The following STON2 variants were observed in gnomAD, a reference collection of about 807,000 sequenced individuals.
The protein encoded by STON2 is stonin 2.
STON2 carries 29 observed loss-of-function variants against 65.7 expected under a neutral mutation model. That is an observed-to-expected ratio of 0.44 (90% CI 0.33 to 0.60). The LOEUF (loss-of-function observed/expected upper bound fraction) is 0.60. Among genes scored for constraint, STON2 ranks in the 20% least tolerant of loss-of-function variants. The pLI, the probability that STON2 is intolerant of heterozygous loss-of-function variation, is 0.03. For missense variants in STON2, 1,054 were observed against 1,118.1 expected, an observed-to-expected ratio of 0.94 and a Z score of 0.82; for synonymous variants, 404 against 414.2, an observed-to-expected ratio of 0.98 and a Z score of 0.30.
intron 1 of STON2, 27 bp from the exon 2 acceptor site, chr14:81,398,607 A>G (rs996056511): frequency 4.3e-6 from 2 of 469,604 alleles, no homozygotes; most frequent in African/African-American, 2.0e-5. Context: ...CAAACAAAAA[A>G]TTAAAAAGGA....
chr14:81,407,577 T>G (rs1900930763), intron 2 of STON2, among the ~76,000 whole-genome samples: 1 of 152,196 alleles, frequency 6.6e-6, no homozygotes, highest in African/African-American at 2.4e-5. Context: ...CTTTTTGGGT[T>G]TGAGACTATT....
chr14:81,398,997 G>C (rs1471046242), intron 1 of STON2, among the ~76,000 whole-genome samples: 1 of 152,176 alleles, frequency 6.6e-6, no homozygotes, highest in African/African-American at 2.4e-5. Flanking sequence ...CCTTAGGCAG[G>C]TAACTCTTTA....
rs780285940 is a variant in STON2 at position 81,261,012 on chromosome 14, C to T, written c.*7402G>A. ...CTTCTCTGTCATCGCCTGGCTAAAA[C>T]ACTGATTTTGATTAATCTCTTGAAT... On this transcript the variant is annotated 3_prime_UTR_variant, in exon 8 of 8. Transcript: ENST00000614646. 2 of 152,146 alleles carry T rather than the reference C, an allele frequency of 1.3e-5. No individual in the cohort carries two copies. Among genetic ancestry groups the T allele is most frequent in the Non-Finnish European group, 2.9e-5 (2 of 68,026 alleles). The allele number at this position is 152,146 out of a possible 1,614,324, so 9.4% of individuals were successfully genotyped here.
intron 3 of STON2, among the ~76,000 whole-genome samples, chr14:81,376,423 A>T (rs1899254384): frequency 6.6e-6 from 1 of 152,092 alleles, no homozygotes; most frequent in South Asian, 2.1e-4. Context: ...CTGATTCAAG[A>T]AGAAGGTTAA....
At chr14:81,328,664 G>C (rs1297457810) in intron 4 of STON2, among the ~76,000 whole-genome samples, 1 of 152,134 alleles carries the variant, frequency 6.6e-6, no homozygotes, top group Non-Finnish European at 1.5e-5. Flanking sequence ...GTGTTGAAGG[G>C]GGGTGCCTAA....
rs1254259081 is a variant in STON2, at chr14:81,268,013, T to C, written c.*401A>G. ...CAAGACTGCCTTTGCCAGAAAGTTA[T>C]GCGAGTGACAGATGAACATCAGAAG... On this transcript the variant is annotated 3_prime_UTR_variant, in exon 8 of 8. Transcript: ENST00000614646. 4 of 987,186 alleles carry C rather than the reference T, an allele frequency of 4.1e-6. No individual in the cohort carries two copies. Among genetic ancestry groups the C allele is most frequent in the South Asian group, 4.7e-5 (1 of 21,394 alleles). 61.2% of individuals were successfully genotyped at this position (987,186 alleles called of 1,614,324 possible). A position where few individuals can be genotyped will look rare whatever the true frequency, so the allele number is the denominator to read the frequency against.
chr14:81,380,342 G>A (rs1899454638), intron 3 of STON2, among the ~76,000 whole-genome samples: 1 of 152,150 alleles, frequency 6.6e-6, no homozygotes, highest in Non-Finnish European at 1.5e-5. Flanking sequence ...AAAAATAATA[G>A]ATGCTGTTGA....
chr14:81,285,323 G>A (rs1225570697), intron 5 of STON2, among the ~76,000 whole-genome samples: 1 of 152,346 alleles, frequency 6.6e-6, no homozygotes, highest in East Asian at 1.9e-4. Flanking sequence ...ATTCACAGGA[G>A]TTTGTAAAAG....
At chr14:81,359,844 C>G (rs1002714746) in intron 4 of STON2, among the ~76,000 whole-genome samples, 1 of 152,136 alleles carries the variant, frequency 6.6e-6, no homozygotes, top group African/African-American at 2.4e-5. Context: ...AAACCAATAA[C>G]CAGTAAGGAG....
intron 4 of STON2, among the ~76,000 whole-genome samples, chr14:81,354,927 T>G (rs952192237): frequency 6.6e-6 from 1 of 151,732 alleles, no homozygotes; most frequent in South Asian, 2.1e-4. Context: ...TGAAGCAGAA[T>G]TGCTTGAACC....
At chr14:81,368,971 C>A (rs1898865440) in intron 4 of STON2, among the ~76,000 whole-genome samples, 1 of 152,142 alleles carries the variant, frequency 6.6e-6, no homozygotes, top group Non-Finnish European at 1.5e-5. Flanking sequence ...GGCGACTGAC[C>A]TCTGTGGGCT....
intron 4 of STON2, among the ~76,000 whole-genome samples, chr14:81,335,159 C>G (rs908076364): frequency 3.3e-5 from 5 of 152,060 alleles, no homozygotes; most frequent in Non-Finnish European, 7.3e-5. Context: ...AACCATCACA[C>G]CTGGCCTACC....
intron 3 of STON2, among the ~76,000 whole-genome samples, chr14:81,384,107 A>G (rs1266907892): frequency 6.6e-6 from 1 of 151,636 alleles, no homozygotes; most frequent in Non-Finnish European, 1.5e-5. Context: ...CTTCACTCAC[A>G]TTTACCTCTC....
chr14:81,392,677 C>A (rs1900136210), intron 3 of STON2, among the ~76,000 whole-genome samples: 1 of 151,826 alleles, frequency 6.6e-6, no homozygotes, highest in African/African-American at 2.4e-5. Flanking sequence ...AAACTGAATT[C>A]TTAAATATTT....
chr14:81,424,433 G>T (rs1047447475), intron 2 of STON2, among the ~76,000 whole-genome samples: 1 of 149,386 alleles, frequency 6.7e-6, no homozygotes, highest in Non-Finnish European at 1.5e-5. Flanking sequence ...GACAAAGCAA[G>T]ACACCATATC....
chr14:81,346,476 A>C (rs931072527), intron 4 of STON2, among the ~76,000 whole-genome samples: 3 of 152,230 alleles, frequency 2.0e-5, no homozygotes, highest in African/African-American at 7.2e-5. Context: ...AGGCACCACA[A>C]GGAAGTCAAG....
intron 5 of STON2, among the ~76,000 whole-genome samples, chr14:81,291,900 C>T (rs1287359641): frequency 1.4e-5 from 2 of 146,068 alleles, no homozygotes; most frequent in African/African-American, 2.6e-5. Context: ...CACACACACA[C>T]ACGGATATCA....
chr14:81,409,170 C>T (rs1485940392), intron 2 of STON2, among the ~76,000 whole-genome samples: 1 of 151,960 alleles, frequency 6.6e-6, no homozygotes, highest in African/African-American at 2.4e-5. Flanking sequence ...TTTGGAAGGC[C>T]GAGGAGGGAG....
intron 4 of STON2, among the ~76,000 whole-genome samples, chr14:81,354,910 G>A (rs993627282): frequency 1.1e-4 from 17 of 151,920 alleles, no homozygotes; most frequent in Non-Finnish European, 1.9e-4. Context: ...CCAGCTACTC[G>A]GAAGGCTGAA....
Sources: allele counts gnomAD v4.1 joint callset (sites outside exome capture counted in the v4.1 genomes callset), GRCh38; gene constraint gnomAD v4.1.1; transcripts MANE v1.5; gene names NCBI Gene and HGNC (gene_info 2026-07-23, HGNC 2026-07-21).